ERC1: variants seen among roughly 807,000 people sequenced by gnomAD.
The protein encoded by ERC1 is RAB6 interacting protein 2.
Under a neutral mutation model 132.0 loss-of-function variants are expected in ERC1, and 56 were observed. The observed-to-expected ratio is 0.42, with a 90% confidence interval of 0.34 to 0.53. ERC1 has a LOEUF of 0.53. Ranked by LOEUF, ERC1 falls within the 20% of genes least tolerant of loss-of-function variation. The pLI, the probability that ERC1 is intolerant of heterozygous loss-of-function variation, is 0.03. For missense variants in ERC1, 1,202 were observed against 1,349.9 expected, an observed-to-expected ratio of 0.89 and a Z score of 1.72; for synonymous variants, 478 against 476.1, an observed-to-expected ratio of 1.00 and a Z score of -0.05.
chr12:1,362,448 G>A (rs74057180), intron 15 of ERC1, among the ~76,000 whole-genome samples: 5 of 144,804 alleles, frequency 3.5e-5, no homozygotes, highest in Non-Finnish European at 7.5e-5. Context: ...CTCTCTCTCT[G>A]TCTCTCTCTC....
intron 2 of ERC1, among the ~76,000 whole-genome samples, chr12:1,031,032 C>G (rs368771313): frequency 6.6e-6 from 1 of 152,130 alleles, no homozygotes; most frequent in Non-Finnish European, 1.5e-5. Flanking sequence ...TTTAAGATTT[C>G]GGTTGATTGT....
intron 13 of ERC1, among the ~76,000 whole-genome samples, chr12:1,253,967 T>G (rs2076628925): frequency 6.6e-6 from 1 of 152,172 alleles, no homozygotes; most frequent in Non-Finnish European, 1.5e-5. Context: ...CCCCTCAAAG[T>G]AGTCACACAA....
chr12:1,106,329 TA>T (rs1257276757), intron 4 of ERC1, among the ~76,000 whole-genome samples: 1 of 152,238 alleles, frequency 6.6e-6, no homozygotes, highest in Non-Finnish European at 1.5e-5. Context: ...TTCATGTAGT[TA>T]GGGACCTCCC....
chr12:1,294,303 C>T (rs1455806263), intron 15 of ERC1, among the ~76,000 whole-genome samples: 1 of 152,106 alleles, frequency 6.6e-6, no homozygotes, highest in African/African-American at 2.4e-5. Flanking sequence ...TTTTTAAGAT[C>T]AGACATAACT....
chr12:1,162,244 T>G (rs1293034097), intron 8 of ERC1, among the ~76,000 whole-genome samples: 1 of 152,250 alleles, frequency 6.6e-6, no homozygotes, highest in Non-Finnish European at 1.5e-5. Context: ...AAAGTAGTTC[T>G]GTGTTACAGT....
At chr12:1,033,050 T>A (rs1242821130) in intron 2 of ERC1, among the ~76,000 whole-genome samples, 1 of 151,354 alleles carries the variant, frequency 6.6e-6, no homozygotes, top group Non-Finnish European at 1.5e-5. Flanking sequence ...TTTTTTTTTT[T>A]TTTGAAACAA....
At chr12:1,017,815 A>C (rs1965759607) in intron 1 of ERC1, among the ~76,000 whole-genome samples, 1 of 151,882 alleles carries the variant, frequency 6.6e-6, no homozygotes, top group Non-Finnish European at 1.5e-5. Flanking sequence ...GTATTTTTAA[A>C]AAACTCAAAA....
At chr12:1,247,942 G>A (rs2076254556) in intron 13 of ERC1, among the ~76,000 whole-genome samples, 1 of 152,172 alleles carries the variant, frequency 6.6e-6, no homozygotes, top group Admixed American at 6.5e-5. Context: ...GTTGCGGTGA[G>A]CCGAGATCAT....
At chr12:1,433,716 C>T (rs758180226) in intron 17 of ERC1, among the ~76,000 whole-genome samples, 5 of 152,176 alleles carry the variant, frequency 3.3e-5, no homozygotes, top group Non-Finnish European at 7.3e-5. Flanking sequence ...CCAGCAAAGG[C>T]TATTTCCTGT....
chr12:1,234,748 CAT>C (rs2154301729), intron 12 of ERC1, among the ~76,000 whole-genome samples: 1 of 152,278 alleles, frequency 6.6e-6, no homozygotes, highest in East Asian at 1.9e-4. Context: ...AATATACAAA[CAT>C]AGCCACAAAA....
chr12:992,946 G>A (rs748460355), intron 1 of ERC1, among the ~76,000 whole-genome samples: 44 of 152,212 alleles, frequency 2.9e-4, no homozygotes, highest in Non-Finnish European at 5.1e-4. Flanking sequence ...AAAATAGCCA[G>A]AGAAGTGCTT....
intron 1 of ERC1, among the ~76,000 whole-genome samples, chr12:996,612 CT>C (rs1960967691): frequency 1.3e-5 from 2 of 152,028 alleles, no homozygotes; most frequent in Non-Finnish European, 2.9e-5. Context: ...AAAAATCATT[CT>C]TTTCAGAACA....
chr12:1,100,676 T>C (rs1944560837), intron 3 of ERC1, among the ~76,000 whole-genome samples: 1 of 152,146 alleles, frequency 6.6e-6, no homozygotes, highest in Non-Finnish European at 1.5e-5. Context: ...ATGCATACCA[T>C]GAATCAAGGC....
intron 16 of ERC1, among the ~76,000 whole-genome samples, chr12:1,392,770 C>CT (rs1201916626): frequency 3.3e-5 from 5 of 152,126 alleles, no homozygotes; most frequent in African/African-American, 7.2e-5. Context: ...TAATTAACAA[C>CT]TTTTTTTAGA....
intron 8 of ERC1, among the ~76,000 whole-genome samples, chr12:1,157,341 G>A (rs1951501925): frequency 6.6e-6 from 1 of 152,206 alleles, no homozygotes; most frequent in African/African-American, 2.4e-5. Context: ...CCGGGCTCAA[G>A]CAGTCTGCCC....
chr12:1,111,780 G>A (rs1945893368), intron 5 of ERC1, among the ~76,000 whole-genome samples: 1 of 151,816 alleles, frequency 6.6e-6, no homozygotes, highest in Admixed American at 6.6e-5. Context: ...GTTAATTTTT[G>A]TAGTTTTAGT....
intron 8 of ERC1, among the ~76,000 whole-genome samples, chr12:1,156,421 A>G (rs912220830): frequency 1.7e-4 from 26 of 152,058 alleles, no homozygotes; most frequent in African/African-American, 5.5e-4. Flanking sequence ...TTGTATTATT[A>G]GTAGAGAGGA....
intron 17 of ERC1, among the ~76,000 whole-genome samples, chr12:1,421,421 G>T (rs2092424008): frequency 6.6e-6 from 1 of 152,146 alleles, no homozygotes; most frequent in African/African-American, 2.4e-5. Flanking sequence ...CAGGCTGAGG[G>T]CTAAGGAACG....
At chr12:1,302,266 A>G (rs548313836) in intron 15 of ERC1, among the ~76,000 whole-genome samples, 18 of 152,238 alleles carry the variant, frequency 1.2e-4, no homozygotes, top group Non-Finnish European at 2.1e-4. Flanking sequence ...TCACCTGAGA[A>G]CATTCAGAAA....
Sources: allele counts gnomAD v4.1 joint callset (sites outside exome capture counted in the v4.1 genomes callset), GRCh38; gene constraint gnomAD v4.1.1; transcripts MANE v1.5; gene names NCBI Gene and HGNC (gene_info 2026-07-23, HGNC 2026-07-21).